Variants in GDAP1 observed in about 807,000 individuals in gnomAD.
GDAP1 encodes ganglioside induced differentiation associated protein 1, also known as ganglioside-induced differentiation-associated protein 1.
Under a neutral mutation model 40.1 loss-of-function variants are expected in GDAP1, and 34 were observed. That is an observed-to-expected ratio of 0.85 (90% confidence interval 0.64 to 1.13). GDAP1 has a LOEUF of 1.13. Ranked by LOEUF, GDAP1 falls within the 50% of genes most tolerant of loss-of-function variation. The probability of loss-of-function intolerance (pLI) is 0.00; values close to 1 mark genes in which losing one functional copy is unlikely to be tolerated. For synonymous variants in GDAP1, 170 were observed against 157.4 expected (o/e 1.08, Z -0.60); for missense variants, 374 against 433.7 (o/e 0.86, Z 1.22).
At chr8:74,363,379 C>T (rs963213078) in intron 5 of GDAP1, among the ~76,000 whole-genome samples, 1 of 152,010 alleles carries the variant, frequency 6.6e-6, no homozygotes, top group Non-Finnish European at 1.5e-5. Context: ...TAGTTTTTTC[C>T]TTAGGCAGGG....
chr8:74,472,719 CTTTTCTTTTCTTT>C (rs1167150265), intron 2 of GDAP1, among the ~76,000 whole-genome samples: 1 of 16,998 alleles, frequency 5.9e-5, no homozygotes, highest in Non-Finnish European at 1.6e-4. Context: ...CTTTTCTTTT[CTTTTCTTTTCTTT>C]TCTTTTCTTT....
chr8:74,417,023 G>A (rs1408312124), intron 2 of GDAP1, among the ~76,000 whole-genome samples: 1 of 147,708 alleles, frequency 6.8e-6, no homozygotes, highest in Non-Finnish European at 1.5e-5. Context: ...CCTGGTGCTC[G>A]TGAAGTTTCT....
chr8:74,450,132 A>G (rs949848053), intron 2 of GDAP1, among the ~76,000 whole-genome samples: 4 of 150,654 alleles, frequency 2.7e-5, no homozygotes, highest in Non-Finnish European at 5.9e-5. Context: ...TTCAATTTCC[A>G]CATATTCGGT....
rs754672081 is a variant in GDAP1 at position 74,351,417 on chromosome 8, T to C, written c.261T>C (p.Ile87=). 1.2e-6 allele frequency: 2 copies of C among 1,614,106 alleles called. No homozygotes were observed. Among genetic ancestry groups the C allele is most frequent in the Middle Eastern group, 1.6e-4 (1 of 6,062 alleles). Residue 87 remains isoleucine, a synonymous_variant, in exon 2 of 6, where the codon ATT becomes ATC. Coordinates refer to ENST00000220822, the MANE Select transcript of GDAP1 (RefSeq NM_018972.4). ...TCCTTATCCACGGGGAAAACATAAT[T>C]TGTGAGGCCACTCAGATCATTGATT... ...VPVLIHGENI[I]CEATQIIDYL...
At chr8:74,371,432 G>C (rs933999995), downstream of GDAP1, among the ~76,000 whole-genome samples, 1 of 152,064 alleles carries the variant, frequency 6.6e-6, no homozygotes, top group Non-Finnish European at 1.5e-5. Flanking sequence ...AGGCCGAGGC[G>C]GGCGGATCAC....
intron 2 of GDAP1, among the ~76,000 whole-genome samples, chr8:74,429,703 C>T (rs1017135924): frequency 3.9e-5 from 6 of 152,242 alleles, no homozygotes; most frequent in South Asian, 2.1e-4. Flanking sequence ...TACCCTTTAA[C>T]GGCCCTATTT....
chr8:74,380,556 T>G (rs1434076088), intron 2 of GDAP1, among the ~76,000 whole-genome samples: 1 of 152,034 alleles, frequency 6.6e-6, no homozygotes, highest in Admixed American at 6.6e-5. Context: ...ACTTTAAAAT[T>G]CCTTTATATA....
At chr8:74,428,553 G>A (rs1490555023) in intron 2 of GDAP1, among the ~76,000 whole-genome samples, 2 of 142,130 alleles carry the variant, frequency 1.4e-5, no homozygotes, top group Non-Finnish European at 3.0e-5. Flanking sequence ...TGCAACCTCT[G>A]CCTCCCAGAT....
In GDAP1 at chr8:74,351,371, A is replaced by G. The variant is rs1219330507; in HGVS notation, c.215A>G (p.Asn72Ser). The change falls in exon 2 of 6, where the codon AAC becomes AGC. Residue 72 changes from asparagine to serine, a missense_variant. Coordinates refer to ENST00000220822, the MANE Select transcript of GDAP1 (RefSeq NM_018972.4). ...AATGAGCCTTGGTTTATGCGTTTGAACTCAACTGGAGAAGTGCCTGTCCTT... is the reference window on the plus strand; with the variant it reads ...AATGAGCCTTGGTTTATGCGTTTGAGCTCAACTGGAGAAGTGCCTGTCCTT... ...EHNEPWFMRLNSTGEVPVLIH... is the reference protein window; with the variant it reads ...EHNEPWFMRLSSTGEVPVLIH... 6.2e-7 allele frequency: 1 copy of G among 1,613,562 alleles called. No individual in the cohort carries two copies. Among genetic ancestry groups the G allele is most frequent in the Non-Finnish European group, 8.5e-7 (1 of 1,179,660 alleles).
At chr8:74,363,227 T>C (rs188057103) in intron 5 of GDAP1, among the ~76,000 whole-genome samples, 174 bp downstream of exon 5, 5 of 152,364 alleles carry the variant, frequency 3.3e-5, no homozygotes, top group African/African-American at 9.6e-5. Context: ...AGGTGTCTAA[T>C]TGTAACTCAA....
Position 74,364,963 on chromosome 8 carries a change from T to C in GDAP1, c.*596T>C, listed in dbSNP as rs776762623. On this transcript the variant is annotated 3_prime_UTR_variant, in exon 6 of 6. Coordinates refer to ENST00000220822, the MANE Select transcript of GDAP1 (RefSeq NM_018972.4). ...AAAGTCTTAAGTGATATTAAGATGA[T>C]TCCTTACCATTTCAGATGGTCCGCA... 5.5e-5 allele frequency: 25 copies of C among 454,026 alleles called. No homozygotes were observed. The highest frequency in any genetic ancestry group is 4.8e-4 in the African/African-American group (24 of 50,014). 28.1% of individuals were successfully genotyped at this position (454,026 alleles called of 1,614,324 possible).
At chr8:74,355,540 G>A (rs941502153) in intron 2 of GDAP1, among the ~76,000 whole-genome samples, 1 of 152,156 alleles carries the variant, frequency 6.6e-6, no homozygotes, top group Non-Finnish European at 1.5e-5. Flanking sequence ...AATTGATTAA[G>A]CTAGATAAGG....
At chr8:74,420,952 C>T (rs796808888) in intron 2 of GDAP1, among the ~76,000 whole-genome samples, 18 of 152,006 alleles carry the variant, frequency 1.2e-4, no homozygotes, top group African/African-American at 4.1e-4. Context: ...TTTTCTTTTC[C>T]ATCCTGAAAC....
At chr8:74,482,122 G>A (rs866006500) in intron 2 of GDAP1, among the ~76,000 whole-genome samples, 2 of 61,416 alleles carry the variant, frequency 3.3e-5, no homozygotes, top group Non-Finnish European at 4.6e-5. Context: ...TTTTTTTTGG[G>A]GGGGGGGGGT....
Position 74,350,438 on chromosome 8 carries a change from G to A in GDAP1, c.-24G>A, listed in dbSNP as rs201299323. On this transcript the variant is annotated 5_prime_UTR_variant, in exon 1 of 6. Coordinates refer to ENST00000220822, the MANE Select transcript of GDAP1 (RefSeq NM_018972.4). ...GAAGTCCAGGGCGGACAGGCTGGGC[G>A]CACCCGTGCTCGCGCACCCCAAGAT... 83 of 1,423,002 alleles carry A rather than the reference G, an allele frequency of 5.8e-5. 1 individual carries two copies. The African/African-American group carries it at 1.0e-3, about 17-fold the overall frequency. 88.1% of individuals were successfully genotyped at this position (1,423,002 alleles called of 1,614,324 possible). A position where few individuals can be genotyped will look rare whatever the true frequency, so the allele number is the denominator to read the frequency against.
At chr8:74,444,208 ACG>A (rs66664867) in intron 2 of GDAP1, among the ~76,000 whole-genome samples, 33 of 1,614 alleles carry the variant, frequency 0.02, no homozygotes, top group South Asian at 0.079. Context: ...ACACACACAC[ACG>A]CGCGCACACA....
chr8:74,382,502 G>C (rs1395045972), intron 2 of GDAP1, among the ~76,000 whole-genome samples: 1 of 150,986 alleles, frequency 6.6e-6, no homozygotes, highest in Non-Finnish European at 1.5e-5. Context: ...TATTAAAAAA[G>C]AATATAGATT....
intron 2 of GDAP1, among the ~76,000 whole-genome samples, chr8:74,465,862 G>C (rs1399220472): frequency 1.3e-5 from 2 of 151,590 alleles, no homozygotes; most frequent in Admixed American, 6.6e-5. Flanking sequence ...ACCTAGCAGT[G>C]TTATTTATTA....
Position 74,427,968 on chromosome 8 carries a change from A to G in GDAP1, c.166-60710A>G, listed in dbSNP as rs186097741. On this transcript the variant is annotated intron_variant, in intron 2 of 2. Coordinates refer to the GDAP1 transcript ENST00000523640. Reference sequence around the variant, plus strand: ...CTTGACAATATCCAAGAATATTTTTAAGAAATGTTTTTAAGAATGTTTTCC... The same window carrying G: ...CTTGACAATATCCAAGAATATTTTTGAGAAATGTTTTTAAGAATGTTTTCC... 6.6e-5 allele frequency among the ~76,000 whole-genome samples: 10 copies of G among 152,320 alleles called. No homozygotes were observed. The East Asian group carries it at 1.9e-3, about 29-fold the overall frequency.
Sources: gnomAD v4.1 joint callset for allele counts (sites outside exome capture counted in the v4.1 genomes callset) on GRCh38, gnomAD v4.1.1 for gene constraint, MANE v1.5 for transcripts, NCBI Gene and HGNC (gene_info 2026-07-23, HGNC 2026-07-21) for gene names.